SHC4: variants seen among roughly 807,000 people sequenced by gnomAD.
SHC4 encodes SHC-transforming protein 4.
A neutral mutation model predicts 69.4 loss-of-function variants in SHC4; 41 were observed. That is an observed-to-expected ratio of 0.59 (90% CI 0.46 to 0.77). The LOEUF (loss-of-function observed/expected upper bound fraction) is 0.77. SHC4 is among the 30% of genes least tolerant of loss of function. The pLI is 0.00. For missense variants in SHC4, 777 were observed against 783.8 expected, an observed-to-expected ratio of 0.99 and a Z score of 0.10; for synonymous variants, 318 against 299.3, an observed-to-expected ratio of 1.06 and a Z score of -0.64.
intron 2 of SHC4, among the ~76,000 whole-genome samples, chr15:48,902,417 G>A (rs1216408395): frequency 6.6e-6 from 1 of 152,080 alleles, no homozygotes; most frequent in African/African-American, 2.4e-5. Flanking sequence ...GTACCTAGTA[G>A]GCTGCCTTGG....
Position 48,963,167 on chromosome 15 carries a change from C to T in SHC4, c.-152G>A, listed in dbSNP as rs1432206394. On this transcript the variant is annotated 5_prime_UTR_variant, in exon 1 of 12. Coordinates refer to ENST00000332408, the MANE Select transcript of SHC4 (RefSeq NM_203349.4). ...TCTCGAGCTCGCCCACCTCGGCTCC[C>T]GGCCCCTTAAGGGTGACAGCCCATG... 6.4e-6 allele frequency: 5 copies of T among 776,206 alleles called. No individual in the cohort carries two copies. The highest frequency in any genetic ancestry group is 5.5e-5 in the South Asian group (3 of 54,360). 48.1% of individuals were successfully genotyped at this position (776,206 alleles called of 1,614,324 possible).
At chr15:48,894,789 T>A (rs1900194382) in intron 2 of SHC4, among the ~76,000 whole-genome samples, 1 of 152,082 alleles carries the variant, frequency 6.6e-6, no homozygotes, top group East Asian at 1.9e-4. Flanking sequence ...TTTATTTAAT[T>A]TTTTTGCTTT....
Position 48,946,505 on chromosome 15 carries a change from C to T in SHC4, c.585+15926G>A, listed in dbSNP as rs542254017. On this transcript the variant is annotated intron_variant, in intron 1 of 11. Transcript: ENST00000332408. Reference sequence around the variant, plus strand: ...TCTCCTCCCCCTTTCCTCTCCCTCTCCTCTTCCTCCTTCTTTTCTTAAGTG... The same window carrying T: ...TCTCCTCCCCCTTTCCTCTCCCTCTTCTCTTCCTCCTTCTTTTCTTAAGTG... The T allele has an allele frequency of 2.1e-5, 18 of 855,866 alleles. No homozygotes were observed. The South Asian group carries it at 8.6e-4, about 41-fold the overall frequency. The allele number at this position is 855,866 out of a possible 1,614,324, so 53.0% of individuals were successfully genotyped here.
At chr15:48,896,710 C>T (rs1489243770) in intron 2 of SHC4, among the ~76,000 whole-genome samples, 1 of 152,172 alleles carries the variant, frequency 6.6e-6, no homozygotes, top group Non-Finnish European at 1.5e-5. Flanking sequence ...AATTACAGAT[C>T]CCAGGTTAAG....
chr15:48,864,141 A>G (rs1380494662), intron 6 of SHC4, among the ~76,000 whole-genome samples: 2 of 152,194 alleles, frequency 1.3e-5, no homozygotes, highest in Non-Finnish European at 2.9e-5. Context: ...CACACAGAAT[A>G]GTAATAATAG....
chr15:48,887,733 A>G (rs1014041400), intron 3 of SHC4, among the ~76,000 whole-genome samples: 2 of 152,212 alleles, frequency 1.3e-5, no homozygotes, highest in African/African-American at 4.8e-5. Flanking sequence ...CAAAAGATCG[A>G]CAAAACTGAC....
intron 5 of SHC4, among the ~76,000 whole-genome samples, chr15:48,868,202 G>C (rs184915308): frequency 2.6e-5 from 4 of 152,154 alleles, no homozygotes; most frequent in African/African-American, 7.2e-5. Context: ...GTCCTAGGTT[G>C]AAAGTTGAAA....
At chr15:48,882,881 T>G (rs1467237615) in intron 4 of SHC4, among the ~76,000 whole-genome samples, 3 of 152,196 alleles carry the variant, frequency 2.0e-5, no homozygotes, top group African/African-American at 7.2e-5. Context: ...ACCACCCACA[T>G]GTGTCTTCCA....
chr15:48,924,197 C>T (rs1295697027), intron 2 of SHC4, among the ~76,000 whole-genome samples: 1 of 152,172 alleles, frequency 6.6e-6, no homozygotes, highest in Non-Finnish European at 1.5e-5. Context: ...CATTCTGAAC[C>T]ACTCATATCG....
chr15:48,898,227 C>A (rs904900206), intron 2 of SHC4, among the ~76,000 whole-genome samples: 3 of 152,198 alleles, frequency 2.0e-5, no homozygotes, highest in Non-Finnish European at 2.9e-5. Flanking sequence ...TGAAAGCCCT[C>A]AGACAGGACA....
intron 2 of SHC4, among the ~76,000 whole-genome samples, chr15:48,904,442 C>T (rs1900370388): frequency 6.6e-6 from 1 of 152,188 alleles, no homozygotes; most frequent in African/African-American, 2.4e-5. Context: ...CATGTTTGAT[C>T]TCTTCAACTA....
chr15:48,928,517 G>A (rs1431285675), intron 1 of SHC4, among the ~76,000 whole-genome samples: 3 of 152,136 alleles, frequency 2.0e-5, no homozygotes, highest in African/African-American at 4.8e-5. Flanking sequence ...TGAGACCCAC[G>A]TGAGGAGAGT....
At chr15:48,882,855 A>G (rs933532091) in intron 4 of SHC4, among the ~76,000 whole-genome samples, 1 of 152,218 alleles carries the variant, frequency 6.6e-6, no homozygotes, top group Non-Finnish European at 1.5e-5. Flanking sequence ...TGTCAGAATG[A>G]CTGAATGAAT....
At chr15:48,936,403 T>C (rs1901071463) in intron 1 of SHC4, among the ~76,000 whole-genome samples, 1 of 152,164 alleles carries the variant, frequency 6.6e-6, no homozygotes, top group Non-Finnish European at 1.5e-5. Context: ...AAAGGCAGGG[T>C]TGTGAAGTGA....
At chr15:48,838,075 C>T (rs1898929801) in intron 10 of SHC4, among the ~76,000 whole-genome samples, 1 of 152,130 alleles carries the variant, frequency 6.6e-6, no homozygotes, top group Admixed American at 6.5e-5. Context: ...AAGGGACTGA[C>T]TACATAAATC....
chr15:48,878,110 C>T (rs747689984), intron 4 of SHC4: 11 of 1,503,964 alleles, frequency 7.3e-6, no homozygotes, highest in Admixed American at 4.5e-5. Flanking sequence ...CGCACGCGCA[C>T]GAACGCACGG....
At chr15:48,874,273 T>C (rs1301455549) in intron 4 of SHC4, among the ~76,000 whole-genome samples, 1 of 152,094 alleles carries the variant, frequency 6.6e-6, no homozygotes, top group Non-Finnish European at 1.5e-5. Context: ...TTAAGAACTT[T>C]TAGTCTATGA....
chr15:48,841,187 A>G (rs572808999), intron 10 of SHC4, among the ~76,000 whole-genome samples: 56 of 152,342 alleles, frequency 3.7e-4, no homozygotes, highest in African/African-American at 1.1e-3. Flanking sequence ...CCACTAAATA[A>G]GTTCTCTGAT....
At chr15:48,961,526 A>T (rs1901546601) in intron 1 of SHC4, among the ~76,000 whole-genome samples, 1 of 152,056 alleles carries the variant, frequency 6.6e-6, no homozygotes, top group African/African-American at 2.4e-5. Flanking sequence ...CCTACCAGGA[A>T]TCCCCTCCTT....
Sources: allele counts gnomAD v4.1 joint callset (sites outside exome capture counted in the v4.1 genomes callset), GRCh38; gene constraint gnomAD v4.1.1; transcripts MANE v1.5; gene names NCBI Gene and HGNC (gene_info 2026-07-23, HGNC 2026-07-21).